TNRC6A: variants seen among roughly 807,000 people sequenced by gnomAD.
TNRC6A encodes trinucleotide repeat containing adaptor 6A, also known as trinucleotide repeat-containing gene 6A protein.
A neutral mutation model predicts 221.2 loss-of-function variants in TNRC6A; 44 were observed. That is an observed-to-expected ratio of 0.20 (90% CI 0.16 to 0.26). TNRC6A has a LOEUF of 0.26. TNRC6A is among the 10% of genes least tolerant of loss of function. TNRC6A has a pLI of 1.00. For synonymous variants in TNRC6A, 847 were observed against 838.5 expected (o/e 1.01, Z -0.18); for missense variants, 2,199 against 2,404.4 (o/e 0.91, Z 1.79).
rs1379426160 is a variant in TNRC6A at position 24,816,782 on chromosome 16, A to C, written c.4832-34A>C. The C allele has an allele frequency of 7.5e-6, 12 of 1,590,892 alleles. 1 individual carries two copies. In the South Asian group the frequency reaches 9.2e-5, roughly 12 times the overall value. On this transcript the variant is annotated intron_variant, in intron 19 of 24. Coordinates refer to ENST00000395799, the MANE Select transcript of TNRC6A (RefSeq NM_014494.4). ...ATTAATGGATTTTAAAATGATGATT[A>C]AGCTTTGAACTAATTTTAAATTTCC... is the stretch of plus-strand genomic sequence containing the variant.
chr16:24,798,241 C>T, intron 11 of TNRC6A: 1 of 256,850 alleles, frequency 3.9e-6, no homozygotes, highest in Non-Finnish European at 7.4e-6. Flanking sequence ...TAGGGAACAG[C>T]ACGTAGAAGG....
intron 1 of TNRC6A, among the ~76,000 whole-genome samples, chr16:24,619,091 C>A (rs561658304): frequency 6.6e-5 from 10 of 152,312 alleles, no homozygotes; most frequent in Middle Eastern, 6.8e-3. Context: ...CTACTCTGTA[C>A]TTTTTCTTCA....
intron 2 of TNRC6A, among the ~76,000 whole-genome samples, chr16:24,712,185 C>A (rs1193588973): frequency 6.6e-6 from 1 of 151,794 alleles, no homozygotes; most frequent in Admixed American, 6.6e-5. Flanking sequence ...ACTCGGTGTT[C>A]CTGTGTCTCC....
At chr16:24,818,998 T>C in intron 21 of TNRC6A, among the ~76,000 whole-genome samples, 1 of 142,344 alleles carries the variant, frequency 7.0e-6, no homozygotes, top group African/African-American at 2.5e-5. Context: ...GGAGGATCTT[T>C]AAAAAAAAAA....
intron 2 of TNRC6A, among the ~76,000 whole-genome samples, chr16:24,705,822 A>G (rs1353947776): frequency 6.6e-6 from 1 of 152,256 alleles, no homozygotes; most frequent in African/African-American, 2.4e-5. Context: ...GGGTAAGAGA[A>G]ATAATATTTC....
intron 5 of TNRC6A, among the ~76,000 whole-genome samples, chr16:24,782,288 G>T (rs116398578): frequency 6.6e-6 from 1 of 152,110 alleles, no homozygotes; most frequent in Non-Finnish European, 1.5e-5. Flanking sequence ...CTCTCAAACC[G>T]GAAGCCAGTC....
In TNRC6A at chr16:24,790,473, A is replaced by C; in HGVS notation, c.1831A>C (p.Asn611His). 1.2e-6 allele frequency: 2 copies of C among 1,614,218 alleles called. No homozygotes were observed. Among genetic ancestry groups the C allele is most frequent in the Non-Finnish European group, 1.7e-6 (2 of 1,180,034 alleles). The change falls in exon 6 of 25, where the codon AAT becomes CAT. Residue 611 changes from asparagine to histidine, a missense_variant. This residue lies in a region of TNRC6A where 1,405 missense variants were observed against 1,400.2 expected (regional missense o/e 1.00). Transcript: ENST00000395799. ...WGTPAQNTGT[N>H]LPSVEWNKLP... Reference sequence around the variant, plus strand: ...AACCCCTGCACAAAACACTGGCACTAATTTACCCAGCGTTGAGTGGAACAA... The same window carrying C: ...AACCCCTGCACAAAACACTGGCACTCATTTACCCAGCGTTGAGTGGAACAA...
At chr16:24,687,706 G>A (rs934354265) in intron 2 of TNRC6A, among the ~76,000 whole-genome samples, 3 of 152,122 alleles carry the variant, frequency 2.0e-5, no homozygotes, top group Admixed American at 6.6e-5. Context: ...GCTGAGGCAG[G>A]AAGATCACTT....
chr16:24,733,635 GGGTAGTTCA>G (rs1450748649), intron 2 of TNRC6A, among the ~76,000 whole-genome samples: 1 of 152,206 alleles, frequency 6.6e-6, no homozygotes, highest in Non-Finnish European at 1.5e-5. Flanking sequence ...ATATTGCAGT[GGGTAGTTCA>G]GGTTATATAA....
At chr16:24,653,292 A>G (rs188781479) in intron 2 of TNRC6A, among the ~76,000 whole-genome samples, 10 of 152,316 alleles carry the variant, frequency 6.6e-5, no homozygotes, top group African/African-American at 2.4e-4. Flanking sequence ...TGACAAAAAT[A>G]AAAGGACAGC....
chr16:24,821,638 T>G (rs2058767527), intron 22 of TNRC6A, among the ~76,000 whole-genome samples: 1 of 152,112 alleles, frequency 6.6e-6, no homozygotes, highest in Admixed American at 6.5e-5. Flanking sequence ...GCCCCTGCAG[T>G]AACCCCGGGG....
chr16:24,723,222 A>G (rs1030398141), intron 2 of TNRC6A, among the ~76,000 whole-genome samples: 19 of 152,054 alleles, frequency 1.2e-4, no homozygotes, highest in Admixed American at 1.3e-4. Context: ...TCAATAAGTA[A>G]CACTTCACCT....
At chr16:24,672,412 G>T (rs1231307658) in intron 2 of TNRC6A, among the ~76,000 whole-genome samples, 1 of 151,590 alleles carries the variant, frequency 6.6e-6, no homozygotes, top group East Asian at 1.9e-4. Context: ...ACAGGCGTGA[G>T]CCACCGCGCC....
At chr16:24,807,008 C>CTT (rs770899112) in intron 17 of TNRC6A, among the ~76,000 whole-genome samples, 6 of 141,066 alleles carry the variant, frequency 4.3e-5, no homozygotes, top group South Asian at 2.3e-4. Context: ...CTTTCCTTTT[C>CTT]TTTTTTTTTT....
At chr16:24,730,327 C>T (rs1406902607) in intron 2 of TNRC6A, 27 bp downstream of exon 2, 1 of 1,601,594 alleles carries the variant, frequency 6.2e-7, no homozygotes, top group Admixed American at 1.7e-5. Flanking sequence ...TTCCGTCTCC[C>T]GCCCCACGAT....
intron 5 of TNRC6A, among the ~76,000 whole-genome samples, chr16:24,779,838 C>T (rs1381942793): frequency 6.6e-6 from 1 of 152,016 alleles, no homozygotes; most frequent in Non-Finnish European, 1.5e-5. Context: ...TTGATCTATT[C>T]GTATTTGGCT....
rs1567479636 is a variant in TNRC6A at position 24,790,579 on chromosome 16, A to G, written c.1937A>G (p.Glu646Gly). The change falls in exon 6 of 25, where the codon GAA (glutamate) becomes GGA (glycine). Residue 646 changes from glutamate (E) to glycine (G), a missense_variant. Around this residue, in one of 8 missense-constraint regions of TNRC6A, gnomAD observed 1,405 missense variants for 1,400.2 expected, o/e 1.00. Coordinates refer to ENST00000395799, the MANE Select transcript of TNRC6A (RefSeq NM_014494.4). ...ACAAATGGATGGAAATCTACTGAGG[A>G]AGAGGATCAGGGTTCTGCCACATCT... ...TFTNGWKSTE[E>G]EDQGSATSQT... is the part of the protein sequence containing the mutation. 4 of 1,614,216 alleles carry G rather than the reference A, an allele frequency of 2.5e-6. No individual in the cohort carries two copies. The highest frequency in any genetic ancestry group is 2.5e-6 in the Non-Finnish European group (3 of 1,180,046).
intron 6 of TNRC6A, 51 bp from the exon 7 acceptor site, chr16:24,793,422 G>C (rs1311003616): frequency 7.6e-7 from 1 of 1,317,238 alleles, no homozygotes; most frequent in Admixed American, 3.0e-5. Context: ...TTATTCCACT[G>C]CACCTCCTTA....
chr16:24,748,229 G>T (rs2057055524), intron 2 of TNRC6A, among the ~76,000 whole-genome samples: 1 of 152,194 alleles, frequency 6.6e-6, no homozygotes, highest in African/African-American at 2.4e-5. Context: ...GGCTGAAGAA[G>T]ATTAAGTATT....
Sources: gnomAD v4.1 joint callset for allele counts (sites outside exome capture counted in the v4.1 genomes callset) on GRCh38, gnomAD v4.1.1 for gene constraint, gnomAD v4.1.1 regional missense constraint, MANE v1.5 for transcripts, NCBI Gene and HGNC (gene_info 2026-07-23, HGNC 2026-07-21) for gene names.